The following RNF213 variants were observed in gnomAD, a reference collection of about 807,000 sequenced individuals.
The protein encoded by RNF213 is E3 ubiquitin-protein ligase RNF213.
Under a neutral mutation model 514.4 loss-of-function variants are expected in RNF213, and 341 were observed. The ratio of observed to expected loss-of-function variants is 0.66; its 90% CI spans 0.61 to 0.73. RNF213 has a LOEUF of 0.73. RNF213 is among the 30% of genes least tolerant of loss of function. The probability of loss-of-function intolerance (pLI) is 0.00; values close to 1 mark genes in which losing one functional copy is unlikely to be tolerated. For missense variants in RNF213, 5,767 were observed against 6,615.6 expected (o/e 0.87, Z 4.45); for synonymous variants, 2,655 against 2,658.2 (o/e 1.00, Z 0.04).
intron 30 of RNF213, 121 bp from the exon 31 acceptor site, chr17:80,350,180 G>A (rs886377377): frequency 2.9e-5 from 23 of 794,196 alleles, no homozygotes; most frequent in Non-Finnish European, 4.9e-5. Context: ...TCTTACTGAA[G>A]AAAATCCTAC....
Position 80,263,728 on chromosome 17 carries a change from A to G in RNF213, c.47A>G (p.Lys16Arg), listed in dbSNP as rs2145070827. 1 of 1,614,136 alleles carries G rather than the reference A, an allele frequency of 6.2e-7. No individual in the cohort carries two copies. The change falls in exon 2 of 68, where the codon AAG becomes AGG. Residue 16 changes from lysine to arginine, a missense_variant. Physicochemically the swap from Lys to Arg is conservative, Grantham distance 26. Around this residue, in one of 13 missense-constraint regions of RNF213, gnomAD observed 509 missense variants for 496.7 expected, o/e 1.02. Transcript: ENST00000582970. This position sits in a 1 kb window ranked among gnomAD's most constrained non-coding sequence, Gnocchi z 4.9. ...CQHVSKEETP[K>R]FCSQCGERLP... ...CATGTCTCCAAGGAGGAAACCCCCA[A>G]GTTCTGCAGCCAGTGCGGAGAGAGG...
intron 18 of RNF213, among the ~76,000 whole-genome samples, chr17:80,326,292 T>A (rs2046280351): frequency 6.6e-6 from 1 of 152,056 alleles, no homozygotes; most frequent in East Asian, 1.9e-4. Context: ...ACCCAGCCTG[T>A]TTATAAGTTG....
chr17:80,319,506 GCA>G, intron 17 of RNF213, 194 bp downstream of exon 17: 1 of 1,613,688 alleles, frequency 6.2e-7, no homozygotes, highest in Non-Finnish European at 8.5e-7. Context: ...TCAGTGTGCT[GCA>G]CAGTCCCTGC....
At position 80,368,121 on chromosome 17, in the gene RNF213, C is replaced by T. The variant is rs1568143522; in HGVS notation, c.12133C>T (p.Pro4045Ser). Reference sequence around the variant, plus strand: ...AACTGCCTTGCCAGACGAATTCTCTCCAGCTGTTTCCCAAGCGCACAGGTA... The same window carrying T: ...AACTGCCTTGCCAGACGAATTCTCTTCAGCTGTTTCCCAAGCGCACAGGTA... Reference protein sequence around the residue: ...CLTALPDEFSPAVSQAHREAI... With the variant: ...CLTALPDEFSSAVSQAHREAI... The change falls in exon 44 of 68, where the codon CCA becomes TCA. Residue 4045 changes from proline (P) to serine (S), a missense_variant. Around this residue, in one of 13 missense-constraint regions of RNF213, gnomAD observed 93 missense variants for 95.6 expected, o/e 0.97. Transcript: ENST00000582970. 1.2e-6 allele frequency: 2 copies of T among 1,614,258 alleles called. No individual in the cohort carries two copies. Among genetic ancestry groups the T allele is most frequent in the Non-Finnish European group, 1.7e-6 (2 of 1,180,040 alleles).
At position 80,372,483 on chromosome 17, in the gene RNF213, AAAT is replaced by A. The variant is rs758219806; in HGVS notation, c.12538-33_12538-31del. On this transcript the variant is annotated intron_variant, in intron 47 of 67. Coordinates refer to ENST00000582970, the MANE Select transcript of RNF213 (RefSeq NM_001256071.3). ...AAGCTTGGGGCATCCATGTTTAAAAAAATAATATCCTTTTCTTTCTTGTTCCTT... is the reference window on the plus strand; with the variant it reads ...AAGCTTGGGGCATCCATGTTTAAAAAAATATCCTTTTCTTTCTTGTTCCTT... 5 of 1,520,170 alleles carry A rather than the reference AAAT, an allele frequency of 3.3e-6. No homozygotes were observed. The South Asian group carries it at 4.6e-5, about 14-fold the overall frequency. 94.2% of individuals were successfully genotyped at this position (1,520,170 alleles called of 1,614,324 possible). A position where few individuals can be genotyped will look rare whatever the true frequency, so the allele number is the denominator to read the frequency against.
At chr17:80,391,550 T>TC in intron 67 of RNF213, among the ~76,000 whole-genome samples, 1 of 151,982 alleles carries the variant, frequency 6.6e-6, no homozygotes. Context: ...CTAAATTACC[T>TC]CTTCGTATCT....
In RNF213 at chr17:80,325,154, A is replaced by G; in HGVS notation, c.3149A>G (p.His1050Arg). The G allele has an allele frequency of 6.5e-7, 1 of 1,536,800 alleles. No homozygotes were observed. The highest frequency in any genetic ancestry group is 8.7e-7 in the Non-Finnish European group (1 of 1,146,560). ...GACAACTTCGATGACATTTTAAAGC[A>G]TCTGCTCACGTTGGCAGATGTCAAG... ...TADNFDDILKHLLTLADVKHV... is the reference protein window; with the variant it reads ...TADNFDDILKRLLTLADVKHV... Residue 1050 changes from histidine (H) to arginine (R), a missense_variant, in exon 18 of 68, where the codon CAT (histidine) becomes CGT (arginine). This residue lies in a region of RNF213 where 516 missense variants were observed against 566.5 expected (regional missense o/e 0.91). Coordinates refer to ENST00000582970, the MANE Select transcript of RNF213 (RefSeq NM_001256071.3).
chr17:80,292,404 G>A lies in RNF213; in HGVS notation c.1471+577G>A, dbSNP rs543243858. On this transcript the variant is annotated intron_variant, in intron 8 of 67. Coordinates refer to ENST00000582970, the MANE Select transcript of RNF213 (RefSeq NM_001256071.3). Reference sequence around the variant, plus strand: ...TTAATTAAGGGAAAGGAGAGAAAACGAAGCCAGAAGAAGGGCTGCGGCTGG... The same window carrying A: ...TTAATTAAGGGAAAGGAGAGAAAACAAAGCCAGAAGAAGGGCTGCGGCTGG... 4.6e-5 allele frequency among the ~76,000 whole-genome samples: 7 copies of A among 152,286 alleles called. No homozygotes were observed. In the South Asian group the frequency reaches 1.0e-3, roughly 23 times the overall value.
At chr17:80,388,079 G>A (rs1019914702) in intron 63 of RNF213, among the ~76,000 whole-genome samples, 1 of 150,626 alleles carries the variant, frequency 6.6e-6, no homozygotes, top group East Asian at 2.0e-4. Context: ...TTCTCCTGCC[G>A]CAGCCTCCCG....
chr17:80,272,043 G>C (rs2043841832), intron 2 of RNF213, among the ~76,000 whole-genome samples: 1 of 151,898 alleles, frequency 6.6e-6, no homozygotes, highest in Non-Finnish European at 1.5e-5. Flanking sequence ...CCAGCACTTT[G>C]AGAGGGCAAG....
intron 36 of RNF213, among the ~76,000 whole-genome samples, chr17:80,356,153 C>G (rs2078810242): frequency 6.6e-6 from 1 of 152,170 alleles, no homozygotes; most frequent in African/African-American, 2.4e-5. Context: ...AGGCACCCAC[C>G]ACCACACCCA....
At position 80,369,513 on chromosome 17, in the gene RNF213, A is replaced by G; in HGVS notation, c.12167A>G (p.Glu4056Gly). 1 of 1,613,550 alleles carries G rather than the reference A, an allele frequency of 6.2e-7. No individual in the cohort carries two copies. The highest frequency in any genetic ancestry group is 8.5e-7 in the Non-Finnish European group (1 of 1,180,018). Residue 4056 changes from glutamate to glycine, a missense_variant, in exon 45 of 68, where the codon GAA (glutamate) becomes GGA (glycine). Coordinates refer to ENST00000582970, the MANE Select transcript of RNF213 (RefSeq NM_001256071.3). ...AVSQAHREAIEKHARFRQMCN... is the reference protein window; with the variant it reads ...AVSQAHREAIGKHARFRQMCN... The stretch of plus-strand genomic sequence containing the variant: ...TCTCGTGTTCTAAGGGAAGCCATTG[A>G]AAAGCATGCCCGCTTCCGGCAGATG...
intron 3 of RNF213, among the ~76,000 whole-genome samples, chr17:80,285,010 C>T (rs2044422680): frequency 6.6e-6 from 1 of 152,274 alleles, no homozygotes; most frequent in South Asian, 2.1e-4. Flanking sequence ...TCAAACCATG[C>T]AGCCGATAAC....
rs768936570 is a variant in RNF213 at position 80,288,674 on chromosome 17, G to A, written c.852G>A (p.Gly284=). The change falls in exon 5 of 68, where the codon GGG becomes GGA. Residue 284 remains glycine, a synonymous_variant. Coordinates refer to ENST00000582970, the MANE Select transcript of RNF213 (RefSeq NM_001256071.3). This position sits in a 1 kb window ranked among gnomAD's most constrained non-coding sequence, Gnocchi z 4.9. The stretch of plus-strand genomic sequence containing the variant: ...CTGAGCCAGCCAATGCAGTTAAAGG[G>A]GCCGGGAAGGAAATGAAAGAGAAGA... ...AVAEPANAVK[G]AGKEMKEKTQ... 2 of 1,614,170 alleles carry A rather than the reference G, an allele frequency of 1.2e-6. No individual in the cohort carries two copies. Among genetic ancestry groups the A allele is most frequent in the South Asian group, 1.1e-5 (1 of 91,088 alleles).
At chr17:80,274,948 A>T (rs1195441457) in intron 3 of RNF213, among the ~76,000 whole-genome samples, 20 of 11,620 alleles carry the variant, frequency 1.7e-3, no homozygotes, top group Non-Finnish European at 2.4e-3. Context: ...TGGGTGTGTG[A>T]GTGGGGGGTG....
chr17:80,397,526 G>C lies in RNF213; in HGVS notation c.*4028G>C, dbSNP rs918762319. On this transcript the variant is annotated 3_prime_UTR_variant, in exon 68 of 68. Transcript: ENST00000582970. The stretch of plus-strand genomic sequence containing the variant: ...CAGACATTATATAGAAAAGCACCGT[G>C]AAAATCCCTGTCCTGTTCTGTTCCG... 1.3e-5 allele frequency: 2 copies of C among 151,988 alleles called. No individual in the cohort carries two copies. The highest frequency in any genetic ancestry group is 4.8e-5 in the African/African-American group (2 of 41,376). The allele number at this position is 151,988 out of a possible 1,614,324, so 9.4% of individuals were successfully genotyped here.
rs746467687 is a variant in RNF213, at chr17:80,345,566, C to T, written c.7231C>T (p.Arg2411Trp). The change falls in exon 29 of 68, where the codon CGG (arginine) becomes TGG (tryptophan). Residue 2411 changes from arginine to tryptophan, a missense_variant. Physicochemically the swap from Arg to Trp is moderately radical, Grantham distance 101. Around this residue, in one of 13 missense-constraint regions of RNF213, gnomAD observed 1,377 missense variants for 1,635.2 expected, o/e 0.84. Transcript: ENST00000582970. The surrounding 1 kb of genome is among the most constrained non-coding windows in gnomAD (Gnocchi z 6.0). ...AATCCTTGCCATCGAGATGCGGTTC[C>T]GGTGTGGGATCCCGGTTATCATCAT... ...LKILAIEMRFRCGIPVIIMGE... is the reference protein window; with the variant it reads ...LKILAIEMRFWCGIPVIIMGE... 6.8e-6 allele frequency: 11 copies of T among 1,613,386 alleles called. No individual in the cohort carries two copies. The highest frequency in any genetic ancestry group is 4.0e-5 in the African/African-American group (3 of 74,926).
intron 21 of RNF213, 23 bp downstream of exon 21, chr17:80,332,654 TG>T: frequency 6.8e-7 from 1 of 1,464,798 alleles, no homozygotes; most frequent in Non-Finnish European, 9.0e-7. Flanking sequence ...CTGGGGACTG[TG>T]GGGGTTTGGA....
In RNF213 at chr17:80,347,306, G is replaced by T. The variant is rs780511825; in HGVS notation, c.8971G>T (p.Asp2991Tyr). The T allele has an allele frequency of 6.2e-6, 10 of 1,614,010 alleles. No homozygotes were observed. The highest frequency in any genetic ancestry group is 8.5e-6 in the Non-Finnish European group (10 of 1,180,006). Reference protein sequence around the residue: ...QAVLRNFSGKDDIQALDIFLA... With the variant: ...QAVLRNFSGKYDIQALDIFLA... ...TGTCCTTAGGAACTTCAGTGGCAAG[G>T]ATGACATCCAAGCTTTGGACATCTT... Residue 2991 changes from aspartate to tyrosine, a missense_variant, in exon 29 of 68, where the codon GAT (aspartate) becomes TAT (tyrosine). Asp to Tyr is a radical substitution (Grantham distance 160, BLOSUM62 -3). Around this residue, in one of 13 missense-constraint regions of RNF213, gnomAD observed 919 missense variants for 1,121.0 expected, o/e 0.82. Coordinates refer to ENST00000582970, the MANE Select transcript of RNF213 (RefSeq NM_001256071.3). The surrounding 1 kb of genome is among the most constrained non-coding windows in gnomAD (Gnocchi z 7.2).
Sources: allele counts gnomAD v4.1 joint callset (sites outside exome capture counted in the v4.1 genomes callset), GRCh38; gene constraint gnomAD v4.1.1; regional missense constraint gnomAD v4.1.1; non-coding constraint Gnocchi (gnomAD v3.1); transcripts MANE v1.5; gene names NCBI Gene and HGNC (gene_info 2026-07-23, HGNC 2026-07-21).